The following BAX variants were observed in gnomAD, a reference collection of about 807,000 sequenced individuals.
The protein encoded by BAX is apoptosis regulator BAX.
Under a neutral mutation model 26.8 loss-of-function variants are expected in BAX, and 21 were observed. The ratio of observed to expected loss-of-function variants is 0.78; its 90% CI spans 0.56 to 1.13. BAX has a LOEUF of 1.13. BAX is among the 50% of genes most tolerant of loss of function. BAX has a pLI of 0.00. For missense variants in BAX, 236 were observed against 254.6 expected (o/e 0.93, Z 0.50); for synonymous variants, 110 against 101.8 (o/e 1.08, Z -0.49).
intron 4 of BAX, among the ~76,000 whole-genome samples, chr19:48,959,946 T>C (rs1197519598): frequency 3.5e-5 from 5 of 144,432 alleles, no homozygotes; most frequent in African/African-American, 1.3e-4. Context: ...TGAGCCGAGA[T>C]TGCGCCACTG....
chr19:48,961,521 C>A lies in BAX; in HGVS notation c.475-11C>A. On this transcript the variant is annotated splice_polypyrimidine_tract_variant and intron_variant, in intron 5 of 5. Coordinates refer to ENST00000345358, the MANE Select transcript of BAX (RefSeq NM_138761.4). The stretch of plus-strand genomic sequence containing the variant: ...CCGAGTCACTGAAGCGACTGATGTC[C>A]CTGTCTCCAGGACGGCCTCCTCTCC... 6.3e-7 allele frequency: 1 copy of A among 1,598,058 alleles called. No individual in the cohort carries two copies. The highest frequency in any genetic ancestry group is 1.3e-5 in the African/African-American group (1 of 74,710).
chr19:48,961,513 C>G lies in BAX; in HGVS notation c.475-19C>G. 6.3e-7 allele frequency: 1 copy of G among 1,587,552 alleles called. No homozygotes were observed. Among genetic ancestry groups the G allele is most frequent in the Non-Finnish European group, 8.6e-7 (1 of 1,163,692 alleles). The stretch of plus-strand genomic sequence containing the variant: ...GCCCCTGGCCGAGTCACTGAAGCGA[C>G]TGATGTCCCTGTCTCCAGGACGGCC... On this transcript the variant is annotated intron_variant, in intron 5 of 5. Coordinates refer to ENST00000345358, the MANE Select transcript of BAX (RefSeq NM_138761.4).
At chr19:48,958,897 G>A (rs564087508) in intron 4 of BAX, among the ~76,000 whole-genome samples, 36 of 151,218 alleles carry the variant, frequency 2.4e-4, no homozygotes, top group African/African-American at 8.7e-4. Context: ...GGGCCTGAAC[G>A]TCCGAGATGA....
intron 5 of BAX, 180 bp from the exon 6 acceptor site, chr19:48,961,352 G>T: frequency 7.7e-7 from 1 of 1,292,288 alleles, no homozygotes; most frequent in South Asian, 1.5e-5. Context: ...CTCTCAAAGT[G>T]CTGGGATTAC....
intron 5 of BAX, 62 bp downstream of exon 5, chr19:48,960,976 C>A (rs375097351): frequency 1.2e-6 from 2 of 1,612,344 alleles, no homozygotes; most frequent in Non-Finnish European, 1.7e-6. Context: ...CCTGCCCCAC[C>A]GTCCCTGCCC....
intron 4 of BAX, among the ~76,000 whole-genome samples, chr19:48,957,272 T>C (rs1355114682): frequency 8.5e-6 from 1 of 117,376 alleles, no homozygotes; most frequent in Non-Finnish European, 1.8e-5. Flanking sequence ...TTTCTTTTTT[T>C]TTTTTTTTTT....
Position 48,961,638 on chromosome 19 carries a change from G to A in BAX, c.*2G>A. ...ACCATCTGGAAGAAGATGGGCTGAG[G>A]CCCCCAGCTGCCTTGGACTGTGTTT... is the stretch of plus-strand genomic sequence containing the variant. On this transcript the variant is annotated 3_prime_UTR_variant, in exon 6 of 6. Transcript: ENST00000345358. 1 of 1,588,788 alleles carries A rather than the reference G, an allele frequency of 6.3e-7. No homozygotes were observed.
Position 48,957,488 on chromosome 19 carries a change from T to A in BAX, c.369+1155T>A, listed in dbSNP as rs4645891. 6.9e-3 allele frequency among the ~76,000 whole-genome samples: 1,044 copies of A among 151,624 alleles called. 81 individuals carry two copies. The East Asian group carries it at 0.15, about 21-fold the overall frequency. On this transcript the variant is annotated intron_variant, in intron 4 of 5. Coordinates refer to ENST00000345358, the MANE Select transcript of BAX (RefSeq NM_138761.4). ...CGGAGTTTCGCCATGTTGGCCAGGC[T>A]GGTCTCAAACTCCTGGCCTCAAGTG...
intron 5 of BAX, chr19:48,961,144 C>A: frequency 6.5e-7 from 1 of 1,543,634 alleles, no homozygotes. Context: ...TGACCCCTGA[C>A]CTCACTGTGA....
intron 5 of BAX, 145 bp from the exon 6 acceptor site, chr19:48,961,387 T>C (rs1484654986): frequency 6.8e-6 from 8 of 1,177,136 alleles, no homozygotes; most frequent in African/African-American, 1.5e-5. Flanking sequence ...ATGCCTGGCC[T>C]GAGTCCAGCT....
In BAX at chr19:48,954,933, A is replaced by G; in HGVS notation, c.5A>G (p.Asp2Gly). M[D>G]GSGEQPRGGG... ...GCGGCGGCGGGAGCGGCGGTGATGG[A>G]CGGGTCCGGGGAGCAGCCCAGAGGC... The change falls in exon 1 of 6, where the codon GAC becomes GGC. Residue 2 changes from aspartate to glycine, a missense_variant. Physicochemically the swap from Asp to Gly is moderately conservative, Grantham distance 94. Transcript: ENST00000345358. 1.6e-6 allele frequency: 2 copies of G among 1,239,376 alleles called. No homozygotes were observed. Among genetic ancestry groups the G allele is most frequent in the East Asian group, 3.1e-5 (1 of 32,206 alleles). 76.8% of individuals were successfully genotyped at this position (1,239,376 alleles called of 1,614,324 possible). A position where few individuals can be genotyped will look rare whatever the true frequency, so the allele number is the denominator to read the frequency against.
chr19:48,955,406 C>G lies in BAX; in HGVS notation c.35-142C>G, dbSNP rs938751659. 17 of 911,222 alleles carry G rather than the reference C, an allele frequency of 1.9e-5. No individual in the cohort carries two copies. The African/African-American group carries it at 2.0e-4, about 11-fold the overall frequency. The allele number at this position is 911,222 out of a possible 1,614,324, so 56.4% of individuals were successfully genotyped here. ...CCATCAGGGACTCAGTTGTCTGGGC[C>G]CCCCCGTCACTTTATCTGCTAGGGT... On this transcript the variant is annotated intron_variant, in intron 1 of 5. Coordinates refer to ENST00000345358, the MANE Select transcript of BAX (RefSeq NM_138761.4).
At chr19:48,959,662 A>C in intron 4 of BAX, among the ~76,000 whole-genome samples, 1 of 138,238 alleles carries the variant, frequency 7.2e-6, no homozygotes, top group Non-Finnish European at 1.5e-5. Flanking sequence ...TAAAAATTCA[A>C]AAAAAAAAAA....
At chr19:48,955,231 C>CCAA in intron 1 of BAX, 2 of 424,014 alleles carry the variant, frequency 4.7e-6, no homozygotes, top group Non-Finnish European at 8.0e-6. Flanking sequence ...CCGGGCTTGT[C>CCAA]GCCCGCACCA....
At chr19:48,957,144 A>T (rs1359101600) in intron 4 of BAX, among the ~76,000 whole-genome samples, 1 of 149,930 alleles carries the variant, frequency 6.7e-6, no homozygotes, top group African/African-American at 2.4e-5. Flanking sequence ...TTTTGACAGT[A>T]GGGAGGAGGC....
At chr19:48,960,960 A>G in intron 5 of BAX, 46 bp downstream of exon 5, 1 of 1,605,600 alleles carries the variant, frequency 6.2e-7, no homozygotes, top group South Asian at 1.1e-5. Context: ...CGCCCTCACC[A>G]CCGCCCCTGC....
chr19:48,955,968 C>A, intron 3 of BAX, 135 bp downstream of exon 3: 1 of 1,202,428 alleles, frequency 8.3e-7, no homozygotes, highest in South Asian at 1.7e-5. Flanking sequence ...TTCCGGACTC[C>A]CAGCCCTCCT....
chr19:48,961,078 C>T (rs573226978), intron 5 of BAX, 164 bp downstream of exon 5: 93 of 1,599,806 alleles, frequency 5.8e-5, no homozygotes, highest in South Asian at 5.7e-4. Context: ...GTCTATAATG[C>T]GTTTTCCTTA....
chr19:48,957,069 G>T (rs895309739), intron 4 of BAX, among the ~76,000 whole-genome samples: 1 of 150,196 alleles, frequency 6.7e-6, no homozygotes, highest in Non-Finnish European at 1.5e-5. Flanking sequence ...AGTGATCGGG[G>T]GGAAGAGGCA....
Sources: gnomAD v4.1 joint callset for allele counts (sites outside exome capture counted in the v4.1 genomes callset) on GRCh38, gnomAD v4.1.1 for gene constraint, MANE v1.5 for transcripts, NCBI Gene and HGNC (gene_info 2026-07-23, HGNC 2026-07-21) for gene names.